The following TIMM23 variants were observed in gnomAD, a reference collection of about 807,000 sequenced individuals.
TIMM23 encodes translocase of inner mitochondrial membrane 23.
In TIMM23, 19 loss-of-function variants were observed where a neutral mutation model predicts 30.7. That is an observed-to-expected ratio of 0.62 (90% CI 0.43 to 0.91). The LOEUF (loss-of-function observed/expected upper bound fraction) is 0.91. Ranked by LOEUF, TIMM23 falls within the 40% of genes least tolerant of loss-of-function variation. The pLI is 0.00. For synonymous variants in TIMM23, 78 were observed against 98.5 expected (o/e 0.79, Z 1.23); for missense variants, 202 against 269.2 (o/e 0.75, Z 1.75).
intron 5 of TIMM23, among the ~76,000 whole-genome samples, chr10:45,986,861 G>A (rs1191785357): frequency 1.3e-5 from 2 of 151,600 alleles, no homozygotes; most frequent in African/African-American, 2.4e-5. Context: ...AGCAATTATG[G>A]GTAGCATATA....
At chr10:45,999,457 G>C (rs899224218) in intron 6 of TIMM23, among the ~76,000 whole-genome samples, 1 of 152,112 alleles carries the variant, frequency 6.6e-6, no homozygotes, top group East Asian at 1.9e-4. Context: ...GCATCCGGGG[G>C]AGACATCACA....
intron 4 of TIMM23, among the ~76,000 whole-genome samples, chr10:45,984,249 A>C (rs1288239693): frequency 6.6e-6 from 1 of 152,140 alleles, no homozygotes; most frequent in Non-Finnish European, 1.5e-5. Context: ...ACAACCATCA[A>C]CCATGGCCAG....
intron 5 of TIMM23, among the ~76,000 whole-genome samples, chr10:45,986,004 A>G (rs1837978856): frequency 6.6e-6 from 1 of 152,220 alleles, no homozygotes; most frequent in Admixed American, 6.5e-5. Flanking sequence ...TTTATGAATG[A>G]TTGATCACTT....
intron 6 of TIMM23, among the ~76,000 whole-genome samples, chr10:45,996,125 G>T (rs79732717): frequency 0.14 from 19,700 of 139,888 alleles, 1,588 homozygotes; most frequent in Admixed American, 0.17. Context: ...ACTTTGGGAG[G>T]CCAAGGCGGG....
At chr10:45,996,734 C>T (rs1373255561) in intron 6 of TIMM23, among the ~76,000 whole-genome samples, 10 of 151,882 alleles carry the variant, frequency 6.6e-5, no homozygotes, top group African/African-American at 2.2e-4. Context: ...GTCTATAATC[C>T]CAGCACTTTG....
chr10:45,991,504 C>A (rs1393979951), intron 6 of TIMM23, among the ~76,000 whole-genome samples: 1 of 151,990 alleles, frequency 6.6e-6, no homozygotes, highest in Admixed American at 6.5e-5. Context: ...GTAATCCCAG[C>A]ACTTTGGGAG....
intron 5 of TIMM23, among the ~76,000 whole-genome samples, chr10:45,988,062 T>C (rs1183269747): frequency 6.6e-6 from 1 of 152,170 alleles, no homozygotes; most frequent in Non-Finnish European, 1.5e-5. Context: ...GAGTTCTTTC[T>C]CACTTTCCTG....
chr10:46,001,158 C>G (rs926679734), intron 6 of TIMM23, among the ~76,000 whole-genome samples: 6 of 152,146 alleles, frequency 3.9e-5, no homozygotes, highest in Non-Finnish European at 8.8e-5. Context: ...TTAAACTGAA[C>G]AGATTATTTT....
chr10:45,990,452 C>T (rs1292260309), intron 6 of TIMM23, among the ~76,000 whole-genome samples: 1 of 150,850 alleles, frequency 6.6e-6, no homozygotes, highest in African/African-American at 2.4e-5. Flanking sequence ...GACAGAGTCT[C>T]ACTCTGTCAT....
chr10:45,983,159 C>T (rs1487943421), intron 4 of TIMM23, among the ~76,000 whole-genome samples: 2 of 152,246 alleles, frequency 1.3e-5, no homozygotes, highest in Non-Finnish European at 2.9e-5. Flanking sequence ...TCAGCTAGTG[C>T]TATGCCAGCC....
At chr10:45,996,109 C>T (rs1391894231) in intron 6 of TIMM23, among the ~76,000 whole-genome samples, 7 of 146,562 alleles carry the variant, frequency 4.8e-5, no homozygotes, top group African/African-American at 1.6e-4. Flanking sequence ...CGTCTGTAAT[C>T]CCAGCACTTT....
chr10:45,999,369 CT>C (rs1216455336), intron 6 of TIMM23, among the ~76,000 whole-genome samples: 1 of 152,054 alleles, frequency 6.6e-6, no homozygotes, highest in Admixed American at 6.6e-5. Context: ...CGCGTACATT[CT>C]TTTCTATTTT....
intron 1 of TIMM23, among the ~76,000 whole-genome samples, chr10:45,974,883 A>T (rs1328641111): frequency 7.2e-5 from 11 of 151,838 alleles, no homozygotes; most frequent in African/African-American, 2.7e-4. Flanking sequence ...TAGTGAATTC[A>T]GGTCTGGCCC....
rs1554918212 is a variant in TIMM23 at position 46,003,344 on chromosome 10, G to A, written c.*26G>A. 2.0e-6 allele frequency: 3 copies of A among 1,488,292 alleles called. No homozygotes were observed. The highest frequency in any genetic ancestry group is 1.1e-5 in the South Asian group (1 of 88,386). The allele number at this position is 1,488,292 out of a possible 1,614,324, so 92.2% of individuals were successfully genotyped here. On this transcript the variant is annotated 3_prime_UTR_variant, in exon 7 of 7. Coordinates refer to ENST00000580018, the MANE Select transcript of TIMM23 (RefSeq NM_006327.4). ...AGATTTTGCCAACTCATGAATGGAG[G>A]ACACTTCAGTAGTCATCTAGATCCT...
chr10:46,003,004 T>C (rs1554917990), intron 6 of TIMM23, among the ~76,000 whole-genome samples, 199 bp from the exon 7 acceptor site: 2 of 151,954 alleles, frequency 1.3e-5, no homozygotes, highest in South Asian at 2.1e-4. Context: ...TTTGAATTTT[T>C]AATAGGGTTT....
chr10:45,976,812 C>G (rs1837687183), intron 2 of TIMM23, among the ~76,000 whole-genome samples: 1 of 152,076 alleles, frequency 6.6e-6, no homozygotes, highest in Non-Finnish European at 1.5e-5. Context: ...AAATGGCATT[C>G]AAGTTGAGAA....
chr10:45,986,016 C>A (rs1405456056), intron 5 of TIMM23, among the ~76,000 whole-genome samples: 2 of 152,190 alleles, frequency 1.3e-5, no homozygotes, highest in African/African-American at 4.8e-5. Flanking sequence ...TGATCACTTA[C>A]AATAGATCTC....
chr10:45,998,009 T>A (rs1316110152), intron 6 of TIMM23, among the ~76,000 whole-genome samples: 1 of 152,136 alleles, frequency 6.6e-6, no homozygotes, highest in Admixed American at 6.5e-5. Context: ...TTAGTAGTCA[T>A]GTTAGTATGT....
chr10:45,996,784 G>A (rs1206975302), intron 6 of TIMM23, among the ~76,000 whole-genome samples: 2 of 151,736 alleles, frequency 1.3e-5, no homozygotes, highest in African/African-American at 4.9e-5. Context: ...GAGTGTAAGG[G>A]CAATATGGTG....
Sources: gnomAD v4.1 joint callset for allele counts (sites outside exome capture counted in the v4.1 genomes callset) on GRCh38, gnomAD v4.1.1 for gene constraint, MANE v1.5 for transcripts, NCBI Gene and HGNC (gene_info 2026-07-23, HGNC 2026-07-21) for gene names.